The following TENM2 variants were observed in gnomAD, a reference collection of about 807,000 sequenced individuals.
TENM2 encodes the protein teneurin-2.
Under a neutral mutation model 245.2 loss-of-function variants are expected in TENM2, and 52 were observed. The ratio of observed to expected loss-of-function variants is 0.21; its 90% CI spans 0.17 to 0.27. The LOEUF (loss-of-function observed/expected upper bound fraction) is 0.27. TENM2 is among the 10% of genes least tolerant of loss of function. The probability of loss-of-function intolerance (pLI) is 1.00; values close to 1 mark genes in which losing one functional copy is unlikely to be tolerated. For synonymous variants in TENM2, 1,363 were observed against 1,438.9 expected (o/e 0.95, Z 1.19); for missense variants, 3,046 against 3,666.8 (o/e 0.83, Z 4.37).
chr5:167,329,046 A>G (rs1014869984), intron 1 of TENM2, among the ~76,000 whole-genome samples: 1 of 152,200 alleles, frequency 6.6e-6, no homozygotes, highest in African/African-American at 2.4e-5. Context: ...ACCTTCCAGA[A>G]TAAATGTTGT....
chr5:167,723,419 G>A (rs895015884), intron 2 of TENM2, among the ~76,000 whole-genome samples: 9 of 152,158 alleles, frequency 5.9e-5, no homozygotes, highest in Admixed American at 2.6e-4. Context: ...TCTTTTCCCG[G>A]CTCCTCCTTC....
intron 5 of TENM2, among the ~76,000 whole-genome samples, chr5:168,013,104 A>G (rs917771826): frequency 3.9e-5 from 6 of 152,138 alleles, no homozygotes; most frequent in African/African-American, 1.4e-4. Flanking sequence ...CCAGCCCCCA[A>G]CACACACTTA....
At chr5:167,448,968 C>G (rs1453062419) in intron 2 of TENM2, among the ~76,000 whole-genome samples, 1 of 151,844 alleles carries the variant, frequency 6.6e-6, no homozygotes, top group Non-Finnish European at 1.5e-5. Flanking sequence ...TGTGTCCTTA[C>G]TGTTTTTAAC....
intron 2 of TENM2, among the ~76,000 whole-genome samples, chr5:167,776,516 G>A (rs1293278032): frequency 1.4e-5 from 2 of 147,288 alleles, no homozygotes; most frequent in African/African-American, 5.1e-5. Flanking sequence ...GATTGCTTGG[G>A]CCTGGGAGGT....
chr5:167,084,863 C>T, the TENM2 span, among the ~76,000 whole-genome samples: 1 of 152,122 alleles, frequency 6.6e-6, no homozygotes, highest in African/African-American at 2.4e-5. Context: ...TGACCAGATA[C>T]TCCAGGGAAA....
At chr5:167,550,630 C>T (rs1772863873) in intron 2 of TENM2, among the ~76,000 whole-genome samples, 1 of 151,660 alleles carries the variant, frequency 6.6e-6, no homozygotes, top group South Asian at 2.1e-4. Flanking sequence ...TGACAACACC[C>T]CGGACACCGC....
intron 4 of TENM2, among the ~76,000 whole-genome samples, chr5:167,958,681 C>A (rs1286763559): frequency 3.9e-5 from 6 of 152,042 alleles, no homozygotes; most frequent in Non-Finnish European, 7.4e-5. Context: ...CTGGTGGTGA[C>A]AAAAATCTCT....
At chr5:167,925,885 T>C (rs1022698876) in intron 3 of TENM2, among the ~76,000 whole-genome samples, 1 of 152,196 alleles carries the variant, frequency 6.6e-6, no homozygotes, top group Non-Finnish European at 1.5e-5. Flanking sequence ...TTCTCACTTA[T>C]AAGCTGGAGC....
At chr5:167,339,667 G>A (rs1757982422) in intron 1 of TENM2, among the ~76,000 whole-genome samples, 1 of 151,526 alleles carries the variant, frequency 6.6e-6, no homozygotes, top group African/African-American at 2.4e-5. Flanking sequence ...ATTCTGCTAT[G>A]GTATGTGTCT....
the TENM2 span, among the ~76,000 whole-genome samples, chr5:167,063,620 T>A: frequency 3.3e-5 from 5 of 152,236 alleles, no homozygotes; most frequent in African/African-American, 1.2e-4. Flanking sequence ...GTAAGTGGTA[T>A]ATTTGAACTA....
chr5:167,173,955 A>G, the TENM2 span, among the ~76,000 whole-genome samples: 1 of 152,126 alleles, frequency 6.6e-6, no homozygotes, highest in African/African-American at 2.4e-5. Context: ...AATGATCCTT[A>G]TGTGATTTTT....
intron 1 of TENM2, among the ~76,000 whole-genome samples, chr5:167,297,286 T>C (rs1402869905): frequency 6.6e-6 from 1 of 152,168 alleles, no homozygotes; most frequent in Non-Finnish European, 1.5e-5. Flanking sequence ...TATGTAGTGT[T>C]TCTAAACCAC....
chr5:167,549,775 A>G (rs1261598806), intron 2 of TENM2, among the ~76,000 whole-genome samples: 2 of 152,072 alleles, frequency 1.3e-5, no homozygotes, highest in African/African-American at 4.8e-5. Context: ...TATAGTGTGA[A>G]TACATTTCCT....
At chr5:167,565,223 G>A (rs1006267915) in intron 2 of TENM2, among the ~76,000 whole-genome samples, 5 of 152,340 alleles carry the variant, frequency 3.3e-5, no homozygotes, top group East Asian at 1.9e-4. Flanking sequence ...CTTATTATGC[G>A]TGAGATGATG....
chr5:167,788,465 T>C (rs1489711597), intron 2 of TENM2, among the ~76,000 whole-genome samples: 1 of 152,190 alleles, frequency 6.6e-6, no homozygotes, highest in Non-Finnish European at 1.5e-5. Flanking sequence ...ACCACCTGAT[T>C]TACAACTCAT....
chr5:167,501,680 C>T (rs1769224296), intron 2 of TENM2, among the ~76,000 whole-genome samples: 1 of 152,096 alleles, frequency 6.6e-6, no homozygotes, highest in African/African-American at 2.4e-5. Flanking sequence ...TGCCCTGAAT[C>T]AGGTTGAGAA....
chr5:168,112,611 G>C (rs993684579), intron 9 of TENM2, among the ~76,000 whole-genome samples: 1 of 129,146 alleles, frequency 7.7e-6, no homozygotes, highest in African/African-American at 2.9e-5. Context: ...GTGGGCGGGG[G>C]GGGGGTCAAA....
the TENM2 span, among the ~76,000 whole-genome samples, chr5:167,172,053 CA>C: frequency 2.0e-5 from 3 of 152,152 alleles, no homozygotes; most frequent in African/African-American, 7.2e-5. Context: ...CTATACCATC[CA>C]AACTAACATT....
chr5:167,142,162 T>C, the TENM2 span, among the ~76,000 whole-genome samples: 1 of 151,178 alleles, frequency 6.6e-6, no homozygotes, highest in Non-Finnish European at 1.5e-5. Context: ...CGTGTGTTCA[T>C]ATAAGATTTG....
Sources: allele counts gnomAD v4.1 joint callset (sites outside exome capture counted in the v4.1 genomes callset), GRCh38; gene constraint gnomAD v4.1.1; transcripts MANE v1.5; gene names NCBI Gene and HGNC (gene_info 2026-07-23, HGNC 2026-07-21).